Variants in TNS3 observed in about 807,000 individuals in gnomAD.
TNS3 encodes tensin 3.
Under a neutral mutation model 140.9 loss-of-function variants are expected in TNS3, and 45 were observed. The ratio of observed to expected loss-of-function variants is 0.32; its 90% CI spans 0.25 to 0.41. The LOEUF is 0.41. TNS3 is among the 10% of genes least tolerant of loss of function. The pLI is 1.00. For missense variants in TNS3, 1,716 were observed against 1,906.7 expected (o/e 0.90, Z 1.86); for synonymous variants, 815 against 788.4 (o/e 1.03, Z -0.56).
intron 3 of TNS3, among the ~76,000 whole-genome samples, chr7:47,504,602 C>T (rs1486653466): frequency 6.6e-6 from 1 of 152,214 alleles, no homozygotes; most frequent in East Asian, 1.9e-4. Flanking sequence ...AAGGAGCCCA[C>T]TGGGCAATAT....
At chr7:47,382,922 T>C (rs1791858134) in intron 16 of TNS3, among the ~76,000 whole-genome samples, 1 of 152,128 alleles carries the variant, frequency 6.6e-6, no homozygotes, top group Non-Finnish European at 1.5e-5. Context: ...CCCGAATATC[T>C]CTGAAAATAG....
Position 47,276,609 on chromosome 7 carries a change from C to T in TNS3, c.*1467G>A, listed in dbSNP as rs1784879821. 6.6e-6 allele frequency: 1 copy of T among 152,218 alleles called. No individual in the cohort carries two copies. Among genetic ancestry groups the T allele is most frequent in the African/African-American group, 2.4e-5 (1 of 41,432 alleles). 9.4% of individuals were successfully genotyped at this position (152,218 alleles called of 1,614,324 possible). A position where few individuals can be genotyped will look rare whatever the true frequency, so the allele number is the denominator to read the frequency against. On this transcript the variant is annotated 3_prime_UTR_variant, in exon 31 of 31. Transcript: ENST00000311160. Reference sequence around the variant, plus strand: ...GGGCCAAGGCCTTATTCTGATGTGGCCCAGCTCCATCTTTCACTCTGGGGA... The same window carrying T: ...GGGCCAAGGCCTTATTCTGATGTGGTCCAGCTCCATCTTTCACTCTGGGGA...
chr7:47,317,263 C>T (rs12702335), intron 20 of TNS3, among the ~76,000 whole-genome samples: 23,248 of 152,214 alleles, frequency 0.15, 2,165 homozygotes, highest in Admixed American at 0.24. Flanking sequence ...GCCGGGTGAC[C>T]CTTTTATGAC....
In TNS3 at chr7:47,413,944, C is replaced by A. The variant is rs780395262; in HGVS notation, c.640G>T (p.Gly214Trp). 1 of 1,613,728 alleles carries A rather than the reference C, an allele frequency of 6.2e-7. No homozygotes were observed. Among genetic ancestry groups the A allele is most frequent in the Non-Finnish European group, 8.5e-7 (1 of 1,179,970 alleles). ...YQAMQPVYTS[G>W]IYNVGPENPS... ...AGCAGCAGCAGCACTCACTAGATCC[C>A]GGAGGTGTACACAGGCTGCATGGCT... Residue 214 changes from glycine (G) to tryptophan (W), a missense_variant, in exon 12 of 31, where the codon GGG becomes TGG. By Grantham distance (184) the Gly-to-Trp change is radical. Transcript: ENST00000311160.
chr7:47,404,756 C>T (rs889349224), intron 13 of TNS3, among the ~76,000 whole-genome samples: 6 of 151,990 alleles, frequency 3.9e-5, no homozygotes, highest in Non-Finnish European at 8.8e-5. Context: ...TGGGGGCAGG[C>T]GCCTGTAGTC....
At chr7:47,395,765 T>G (rs892733358) in intron 16 of TNS3, among the ~76,000 whole-genome samples, 1 of 152,234 alleles carries the variant, frequency 6.6e-6, no homozygotes, top group African/African-American at 2.4e-5. Flanking sequence ...TGTTTTAATG[T>G]CCTTACCATC....
intron 3 of TNS3, among the ~76,000 whole-genome samples, chr7:47,499,986 CG>C (rs1798151513): frequency 6.6e-6 from 1 of 152,072 alleles, no homozygotes; most frequent in Admixed American, 6.6e-5. Flanking sequence ...TGTGAGCCCT[CG>C]GTTCTTTCCC....
chr7:47,333,133 CA>C (rs917370121), intron 20 of TNS3, among the ~76,000 whole-genome samples: 7 of 152,004 alleles, frequency 4.6e-5, no homozygotes, highest in Non-Finnish European at 1.0e-4. Flanking sequence ...TCATCACCCT[CA>C]AATGAATTCA....
In TNS3 at chr7:47,435,266, GA is replaced by G; in HGVS notation, c.324+15del. ...AGCCCAGCCAGACCCCCAAATGTGA[GA>G]GGGGGCGCACTCACCCTGCAGTGAA... On this transcript the variant is annotated intron_variant, in intron 8 of 30. Coordinates refer to ENST00000311160, the MANE Select transcript of TNS3 (RefSeq NM_022748.12). The G allele has an allele frequency of 6.2e-7, 1 of 1,613,356 alleles. No individual in the cohort carries two copies. The highest frequency in any genetic ancestry group is 8.5e-7 in the Non-Finnish European group (1 of 1,179,810).
chr7:47,430,040 A>G (rs944664558), intron 8 of TNS3, among the ~76,000 whole-genome samples: 1 of 152,176 alleles, frequency 6.6e-6, no homozygotes, highest in Admixed American at 6.5e-5. Context: ...ACAGGCACAC[A>G]TGGTGGTGAC....
At chr7:47,456,645 C>T (rs1282515498) in intron 4 of TNS3, among the ~76,000 whole-genome samples, 1 of 152,160 alleles carries the variant, frequency 6.6e-6, no homozygotes, top group Non-Finnish European at 1.5e-5. Flanking sequence ...GACCCAGGTC[C>T]CCTGAAGCTG....
intron 4 of TNS3, among the ~76,000 whole-genome samples, chr7:47,442,776 G>A (rs1295921348): frequency 2.6e-5 from 4 of 152,108 alleles, no homozygotes; most frequent in Non-Finnish European, 5.9e-5. Flanking sequence ...GCTGCACACA[G>A]GAGCCCAGAG....
intron 3 of TNS3, among the ~76,000 whole-genome samples, chr7:47,482,812 G>T (rs1480191552): frequency 1.3e-5 from 2 of 152,238 alleles, no homozygotes; most frequent in Admixed American, 1.3e-4. Context: ...CTAAGTGAAA[G>T]AAGCCACTCT....
intron 3 of TNS3, among the ~76,000 whole-genome samples, chr7:47,486,089 T>C (rs1464164579): frequency 6.6e-6 from 1 of 151,816 alleles, no homozygotes; most frequent in Non-Finnish European, 1.5e-5. Context: ...AGTGACTACA[T>C]GTGGTGGTGT....
intron 3 of TNS3, among the ~76,000 whole-genome samples, chr7:47,500,453 G>A (rs1429370445): frequency 6.6e-6 from 1 of 152,224 alleles, no homozygotes; most frequent in Non-Finnish European, 1.5e-5. Flanking sequence ...TCCCAGCCCT[G>A]TCACCTGTAA....
At position 47,283,913 on chromosome 7, in the gene TNS3, G is replaced by A. The variant is rs1424843727; in HGVS notation, c.3929-48C>T. 13 of 1,485,428 alleles carry A rather than the reference G, an allele frequency of 8.8e-6. No homozygotes were observed. The South Asian group carries it at 1.6e-4, about 18-fold the overall frequency. 92.0% of individuals were successfully genotyped at this position (1,485,428 alleles called of 1,614,324 possible). A position where few individuals can be genotyped will look rare whatever the true frequency, so the allele number is the denominator to read the frequency against. The stretch of plus-strand genomic sequence containing the variant: ...CATGTTAGTTGCAACTATTGGGACA[G>A]GTGTGTCCTGTTAACACACAGGCAG... On this transcript the variant is annotated intron_variant, in intron 27 of 30. Transcript: ENST00000311160.
At chr7:47,364,857 G>A (rs1382022390) in intron 17 of TNS3, among the ~76,000 whole-genome samples, 3 of 152,170 alleles carry the variant, frequency 2.0e-5, no homozygotes, top group African/African-American at 7.2e-5. Flanking sequence ...GTTCCTACAA[G>A]AAGGTCACTT....
chr7:47,296,836 C>A (rs2293363), intron 24 of TNS3, among the ~76,000 whole-genome samples: 40 of 152,030 alleles, frequency 2.6e-4, no homozygotes, highest in South Asian at 8.3e-4. Context: ...TGCCTTATCC[C>A]ATGGTTCTAA....
upstream of TNS3, chr7:47,582,573 C>T (rs1784562033): frequency 4.6e-6 from 2 of 433,678 alleles, no homozygotes; most frequent in East Asian, 7.7e-5. Flanking sequence ...CATAAAGGAG[C>T]ACAGCCGCTC....
Sources: allele counts gnomAD v4.1 joint callset (sites outside exome capture counted in the v4.1 genomes callset), GRCh38; gene constraint gnomAD v4.1.1; transcripts MANE v1.5; gene names NCBI Gene and HGNC (gene_info 2026-07-23, HGNC 2026-07-21).